The following NAALADL2 variants were observed in gnomAD, a reference collection of about 807,000 sequenced individuals.
NAALADL2 encodes inactive N-acetylated-alpha-linked acidic dipeptidase-like protein 2.
Under a neutral mutation model 87.2 loss-of-function variants are expected in NAALADL2, and 76 were observed. The ratio of observed to expected loss-of-function variants is 0.87; its 90% confidence interval spans 0.72 to 1.05. NAALADL2 has a LOEUF of 1.05. Ranked by LOEUF, NAALADL2 falls within the 50% of genes least tolerant of loss-of-function variation. The pLI is 0.00. For synonymous variants in NAALADL2, 354 were observed against 331.0 expected (o/e 1.07, Z -0.75); for missense variants, 1,089 against 945.8 (o/e 1.15, Z -1.99).
chr3:175,621,820 T>C (rs932693569), intron 10 of NAALADL2, among the ~76,000 whole-genome samples: 2 of 152,198 alleles, frequency 1.3e-5, no homozygotes, highest in African/African-American at 2.4e-5. Context: ...GCATCTGTTT[T>C]GGTGCCCACA....
chr3:175,585,492 G>T (rs948755550), intron 10 of NAALADL2, among the ~76,000 whole-genome samples: 1 of 151,936 alleles, frequency 6.6e-6, no homozygotes, highest in Non-Finnish European at 1.5e-5. Flanking sequence ...GCTATAAATG[G>T]GTAATATTTC....
At chr3:175,624,330 G>C (rs916197410) in intron 10 of NAALADL2, among the ~76,000 whole-genome samples, 1 of 151,856 alleles carries the variant, frequency 6.6e-6, no homozygotes, top group Admixed American at 6.6e-5. Context: ...ATTCCTAAAT[G>C]GATTCTTCTT....
chr3:174,785,888 C>T (rs934664916), intron 3 of NAALADL2, among the ~76,000 whole-genome samples: 1 of 152,124 alleles, frequency 6.6e-6, no homozygotes, highest in African/African-American at 2.4e-5. Flanking sequence ...TCTTCATTGC[C>T]TCTTTACCAC....
At chr3:174,756,731 A>G (rs1202415672) in intron 3 of NAALADL2, among the ~76,000 whole-genome samples, 1 of 152,214 alleles carries the variant, frequency 6.6e-6, no homozygotes, top group Admixed American at 6.5e-5. Flanking sequence ...TACACAGTAA[A>G]GATCTGCAGC....
chr3:175,377,096 T>A (rs924934770), intron 5 of NAALADL2, among the ~76,000 whole-genome samples: 5 of 152,100 alleles, frequency 3.3e-5, no homozygotes, highest in African/African-American at 1.2e-4. Flanking sequence ...GCAGATTGCT[T>A]GAGGCCAGGA....
At chr3:175,383,158 C>T (rs902102294) in intron 5 of NAALADL2, among the ~76,000 whole-genome samples, 4 of 151,932 alleles carry the variant, frequency 2.6e-5, no homozygotes, top group South Asian at 2.1e-4. Flanking sequence ...TTACCTCAAG[C>T]GTTTATCATT....
chr3:175,335,361 G>A (rs866628360), intron 5 of NAALADL2, among the ~76,000 whole-genome samples: 29 of 152,182 alleles, frequency 1.9e-4, no homozygotes, highest in African/African-American at 6.8e-4. Flanking sequence ...AAAACAGTGT[G>A]ATGTTTGAAA....
intron 3 of NAALADL2, among the ~76,000 whole-genome samples, chr3:175,247,917 A>G (rs548831513): frequency 1.3e-5 from 2 of 152,288 alleles, no homozygotes; most frequent in Non-Finnish European, 2.9e-5. Context: ...TCACTGTTCT[A>G]TCTCAAAATC....
intron 1 of NAALADL2, among the ~76,000 whole-genome samples, chr3:174,896,048 T>C (rs1051469414): frequency 2.0e-5 from 3 of 152,018 alleles, no homozygotes; most frequent in Non-Finnish European, 4.4e-5. Flanking sequence ...TACCTTAACA[T>C]AATAAAAGCC....
chr3:175,211,016 A>G (rs1481480571), intron 2 of NAALADL2, among the ~76,000 whole-genome samples: 3 of 151,826 alleles, frequency 2.0e-5, no homozygotes, highest in Non-Finnish European at 4.4e-5. Context: ...AATTAAATCT[A>G]ACATTTGAAA....
intron 1 of NAALADL2, among the ~76,000 whole-genome samples, chr3:174,542,847 A>G (rs1722368247): frequency 6.6e-6 from 1 of 152,176 alleles, no homozygotes; most frequent in Non-Finnish European, 1.5e-5. Flanking sequence ...GGGACTGGGA[A>G]AGATGTCCTG....
intron 2 of NAALADL2, among the ~76,000 whole-genome samples, chr3:174,564,215 A>C (rs552218700): frequency 6.6e-6 from 1 of 152,276 alleles, no homozygotes; most frequent in Admixed American, 6.5e-5. Context: ...TTAATCTCTT[A>C]GTGTTTTTGA....
intron 10 of NAALADL2, among the ~76,000 whole-genome samples, chr3:175,604,020 C>A (rs565964948): frequency 1.3e-5 from 2 of 152,218 alleles, no homozygotes; most frequent in South Asian, 4.1e-4. Context: ...CAACAAATAT[C>A]TCTTCAAGAC....
At chr3:174,560,328 G>A (rs1233319298) in intron 2 of NAALADL2, among the ~76,000 whole-genome samples, 1 of 152,144 alleles carries the variant, frequency 6.6e-6, no homozygotes, top group African/African-American at 2.4e-5. Context: ...AAAGATGACA[G>A]GGCAAGTACT....
chr3:174,494,945 C>T (rs1167196654), intron 1 of NAALADL2, among the ~76,000 whole-genome samples: 1 of 152,108 alleles, frequency 6.6e-6, no homozygotes, highest in African/African-American at 2.4e-5. Context: ...GGAGAATTTG[C>T]TTTGTGCAAA....
intron 1 of NAALADL2, among the ~76,000 whole-genome samples, chr3:174,974,410 C>G (rs949529014): frequency 1.3e-5 from 2 of 152,138 alleles, no homozygotes; most frequent in Non-Finnish European, 2.9e-5. Flanking sequence ...AGCAATGCTT[C>G]TTATTTGCTG....
chr3:174,648,706 A>T (rs1246056529), intron 2 of NAALADL2, among the ~76,000 whole-genome samples: 2 of 152,066 alleles, frequency 1.3e-5, no homozygotes, highest in Non-Finnish European at 2.9e-5. Flanking sequence ...AATATTTTTT[A>T]TTACTTGATG....
At chr3:175,600,651 C>T in intron 10 of NAALADL2, among the ~76,000 whole-genome samples, 1 of 148,022 alleles carries the variant, frequency 6.8e-6, no homozygotes, top group South Asian at 2.1e-4. Context: ...CATTCTCCTG[C>T]CTCAGCCTCC....
chr3:175,692,284 C>G (rs1737153103), intron 11 of NAALADL2, among the ~76,000 whole-genome samples: 1 of 151,982 alleles, frequency 6.6e-6, no homozygotes, highest in African/African-American at 2.4e-5. Context: ...TTCATAATTG[C>G]ATCTTGAGAA....
Sources: allele counts gnomAD v4.1 joint callset (sites outside exome capture counted in the v4.1 genomes callset), GRCh38; gene constraint gnomAD v4.1.1; transcripts MANE v1.5; gene names NCBI Gene and HGNC (gene_info 2026-07-23, HGNC 2026-07-21).